The following MLIP variants were observed in gnomAD, a reference collection of about 807,000 sequenced individuals.
MLIP encodes muscular LMNA interacting protein, also known as muscular LMNA-interacting protein.
MLIP carries 79 observed loss-of-function variants against 84.8 expected under a neutral mutation model. The ratio of observed to expected loss-of-function variants is 0.93; its 90% CI spans 0.78 to 1.12. MLIP has a LOEUF of 1.12. MLIP is among the 50% of genes most tolerant of loss of function. The pLI, the probability that MLIP is intolerant of heterozygous loss-of-function variation, is 0.00. For synonymous variants in MLIP, 504 were observed against 463.0 expected (o/e 1.09, Z -1.14); for missense variants, 1,257 against 1,160.6 (o/e 1.08, Z -1.21).
At chr6:54,242,143 G>A (rs1345243678) in intron 12 of MLIP, among the ~76,000 whole-genome samples, 1 of 152,190 alleles carries the variant, frequency 6.6e-6, no homozygotes, top group South Asian at 2.1e-4. Context: ...GAATGACATA[G>A]GAGGACAGAG....
chr6:54,152,204 A>G (rs921577931), intron 5 of MLIP, among the ~76,000 whole-genome samples: 2 of 152,142 alleles, frequency 1.3e-5, no homozygotes, highest in African/African-American at 4.8e-5. Context: ...CAAGAATGAC[A>G]TGAGGATGAA....
At chr6:54,261,679 C>A in intron 13 of MLIP, 1 of 985,054 alleles carries the variant, frequency 1.0e-6, no homozygotes, top group Non-Finnish European at 1.2e-6. Context: ...AAGCAGCCAT[C>A]CCATTCCTCT....
chr6:54,078,959 G>A (rs1766970909), intron 1 of MLIP, among the ~76,000 whole-genome samples: 1 of 151,952 alleles, frequency 6.6e-6, no homozygotes, highest in South Asian at 2.1e-4. Flanking sequence ...CCAAAGTGCT[G>A]GGATTACAGG....
At chr6:54,021,242 TTA>T in intron 1 of MLIP, among the ~76,000 whole-genome samples, 1 of 152,294 alleles carries the variant, frequency 6.6e-6, no homozygotes, top group South Asian at 2.1e-4. Context: ...AATTTATTTA[TTA>T]TAAATAGTAA....
intron 1 of MLIP, among the ~76,000 whole-genome samples, chr6:54,114,067 C>T (rs941398859): frequency 2.6e-5 from 4 of 152,236 alleles, no homozygotes; most frequent in African/African-American, 7.2e-5. Flanking sequence ...AGCCCTCTTT[C>T]TGACTACTGT....
intron 12 of MLIP, among the ~76,000 whole-genome samples, chr6:54,241,363 AT>A (rs1183627813): frequency 1.3e-5 from 2 of 151,758 alleles, no homozygotes; most frequent in African/African-American, 2.4e-5. Flanking sequence ...TTAGCTTAGG[AT>A]TTTTTTATTA....
chr6:54,040,861 G>T (rs1211096949), intron 1 of MLIP, among the ~76,000 whole-genome samples: 1 of 151,944 alleles, frequency 6.6e-6, no homozygotes, highest in Non-Finnish European at 1.5e-5. Flanking sequence ...GGGAAATAAA[G>T]AACAGGTACA....
At chr6:54,238,013 C>A (rs909175130) in intron 12 of MLIP, among the ~76,000 whole-genome samples, 26 of 152,010 alleles carry the variant, frequency 1.7e-4, no homozygotes, top group African/African-American at 5.6e-4. Context: ...CTACTATAGT[C>A]ATTTTGTCCA....
chr6:54,151,900 A>C (rs1363415488), intron 5 of MLIP, among the ~76,000 whole-genome samples: 24 of 152,158 alleles, frequency 1.6e-4, no homozygotes, highest in Non-Finnish European at 2.9e-5. Flanking sequence ...GATTGGTTTC[A>C]GTTTTAATCA....
At chr6:54,169,225 A>G (rs1051017467) in intron 8 of MLIP, among the ~76,000 whole-genome samples, 13 of 151,862 alleles carry the variant, frequency 8.6e-5, no homozygotes, top group African/African-American at 2.6e-4. Context: ...AAAGACAGAG[A>G]TTTCTACATG....
chr6:54,263,753 T>C lies in MLIP; in HGVS notation c.2977-2197T>C, dbSNP rs532286092. Reference sequence around the variant, plus strand: ...AACCAAGATTTTGAGTTTGACTGTGTTCCAGAATTATGACTTCCAAAGCAT... The same window carrying C: ...AACCAAGATTTTGAGTTTGACTGTGCTCCAGAATTATGACTTCCAAAGCAT... On this transcript the variant is annotated intron_variant, in intron 13 of 13. Coordinates refer to ENST00000502396, the MANE Select transcript of MLIP (RefSeq NM_001281747.2). Among the ~76,000 whole-genome samples the C allele has an allele frequency of 3.9e-5, 6 of 152,216 alleles. No homozygotes were observed. In the South Asian group the frequency reaches 1.2e-3, roughly 32 times the overall value.
chr6:54,121,455 TG>T lies in MLIP; in HGVS notation c.107del (p.Gly36ValfsTer8). The T allele has an allele frequency of 6.2e-7, 1 of 1,614,092 alleles. No individual in the cohort carries two copies. ...SIQTTPQVSA[G>X]GSEAKPLIFT... is the part of the protein sequence containing the mutation. The stretch of plus-strand genomic sequence containing the variant: ...AACTACATGTCTCATAGGTCTCTGC[TG>T]GTGGTTCTGAAGCCAAACCTCTGAT... On this transcript the variant is annotated frameshift_variant, in exon 2 of 14. Transcript: ENST00000502396. LOFTEE classifies it high-confidence loss of function.
chr6:54,118,752 T>G (rs1770174097), intron 1 of MLIP, among the ~76,000 whole-genome samples: 1 of 152,060 alleles, frequency 6.6e-6, no homozygotes, highest in Non-Finnish European at 1.5e-5. Flanking sequence ...GAGAAAATAT[T>G]TGTAAATTAT....
At chr6:54,120,666 T>G (rs1770374462) in intron 1 of MLIP, among the ~76,000 whole-genome samples, 1 of 152,226 alleles carries the variant, frequency 6.6e-6, no homozygotes, top group Non-Finnish European at 1.5e-5. Flanking sequence ...CTACTTTCCA[T>G]GCTTTCACTC....
chr6:54,196,909 G>T (rs574527096), intron 10 of MLIP, among the ~76,000 whole-genome samples: 1 of 152,184 alleles, frequency 6.6e-6, no homozygotes, highest in African/African-American at 2.4e-5. Context: ...TATTTTATAT[G>T]GCTCATTAAA....
intron 13 of MLIP, among the ~76,000 whole-genome samples, chr6:54,259,312 A>T (rs1196125288): frequency 8.6e-5 from 13 of 151,884 alleles, no homozygotes; most frequent in Admixed American, 8.6e-4. Flanking sequence ...TAGAAGAATG[A>T]TTAAATAGAT....
At chr6:54,260,277 T>TA (rs1400708461) in intron 13 of MLIP, among the ~76,000 whole-genome samples, 1 of 134,968 alleles carries the variant, frequency 7.4e-6, no homozygotes, top group Non-Finnish European at 1.5e-5. Flanking sequence ...AGGAACTAAC[T>TA]CAAAAAAAAA....
Position 54,195,601 on chromosome 6 carries a change from T to C in MLIP, c.2589+5687T>C, listed in dbSNP as rs139711842. ...TTCCAAAGGATGGAAATAGTATCTATTTACATAGTGCCCAAAGTGACAATG... is the reference window on the plus strand; with the variant it reads ...TTCCAAAGGATGGAAATAGTATCTACTTACATAGTGCCCAAAGTGACAATG... On this transcript the variant is annotated intron_variant, in intron 10 of 13. Coordinates refer to ENST00000502396, the MANE Select transcript of MLIP (RefSeq NM_001281747.2). 3.9e-5 allele frequency among the ~76,000 whole-genome samples: 6 copies of C among 152,196 alleles called. No individual in the cohort carries two copies. The East Asian group carries it at 1.2e-3, about 29-fold the overall frequency.
In MLIP at chr6:54,261,148, T is replaced by C. The variant is rs1783361628; in HGVS notation, c.2976+3787T>C. ...TGAGTTGAGTTACTTAGGAGAAAAT[T>C]AAATTCTAGTAGTGACAATTATTTT... On this transcript the variant is annotated intron_variant, in intron 13 of 13. Transcript: ENST00000502396. 2.0e-5 allele frequency among the ~76,000 whole-genome samples: 3 copies of C among 152,184 alleles called. 1 individual carries two copies. The South Asian group carries it at 6.2e-4, about 32-fold the overall frequency.
Sources: allele counts gnomAD v4.1 joint callset (sites outside exome capture counted in the v4.1 genomes callset), GRCh38; gene constraint gnomAD v4.1.1; transcripts MANE v1.5; gene names NCBI Gene and HGNC (gene_info 2026-07-23, HGNC 2026-07-21).